The following MRI1 variants were observed in gnomAD, a reference collection of about 807,000 sequenced individuals.
MRI1 encodes the protein methylthioribose-1-phosphate isomerase 1, also known as methylthioribose-1-phosphate isomerase.
MRI1 carries 32 observed loss-of-function variants against 27.3 expected under a neutral mutation model. The observed-to-expected ratio is 1.17, with a 90% CI of 0.88 to 1.57. MRI1 has a LOEUF of 1.57. Ranked by LOEUF, MRI1 falls within the 40% of genes most tolerant of loss-of-function variation. MRI1 has a pLI of 0.00. For missense variants in MRI1, 508 were observed against 516.1 expected (o/e 0.98, Z 0.15); for synonymous variants, 216 against 227.4 (o/e 0.95, Z 0.45).
At chr19:13,769,257 G>T (rs543585968) in intron 5 of MRI1, among the ~76,000 whole-genome samples, 1 of 152,102 alleles carries the variant, frequency 6.6e-6, no homozygotes, top group Non-Finnish European at 1.5e-5. Flanking sequence ...TCCACCTCCC[G>T]GGCTCAAGCA....
At position 13,765,987 on chromosome 19, in the gene MRI1, A is replaced by G. The variant is rs763445231; in HGVS notation, c.405A>G (p.Lys135=). The change falls in exon 3 of 6, where the codon AAA becomes AAG. Residue 135 remains lysine (K), a synonymous_variant. Coordinates refer to ENST00000040663, the MANE Select transcript of MRI1 (RefSeq NM_001031727.4). ...VICCTEDMLE[K]DLRDNRSIGD... is the part of the protein sequence containing the mutation. ...GCTGCACCGAGGACATGCTGGAGAA[A>G]GACCTCAGAGACAACCGAAGCATTG... is the stretch of plus-strand genomic sequence containing the variant. 6 of 1,610,726 alleles carry G rather than the reference A, an allele frequency of 3.7e-6. No homozygotes were observed. The South Asian group carries it at 5.5e-5, about 15-fold the overall frequency.
In MRI1 at chr19:13,772,997, A is replaced by G. The variant is rs1974302290; in HGVS notation, c.*716A>G. 6.8e-6 allele frequency: 1 copy of G among 147,762 alleles called. No individual in the cohort carries two copies. Among genetic ancestry groups the G allele is most frequent in the Admixed American group, 6.7e-5 (1 of 14,834 alleles). 9.2% of individuals were successfully genotyped at this position (147,762 alleles called of 1,614,324 possible). ...GCAACCAAGATAAAAAATATTTTAA[A>G]GCAATATTTTGTTTTGGGTTTTTTT... On this transcript the variant is annotated 3_prime_UTR_variant, in exon 6 of 6. Transcript: ENST00000040663.
intron 5 of MRI1, among the ~76,000 whole-genome samples, chr19:13,771,647 A>G (rs1479031727): frequency 6.6e-6 from 1 of 152,178 alleles, no homozygotes; most frequent in Non-Finnish European, 1.5e-5. Context: ...AGATCACCTG[A>G]GGTCGGGAGT....
rs114003575 is a variant in MRI1, at chr19:13,768,966, G to A, written c.867G>A (p.Leu289=). ...AAPSSSCDLR[L]ETGKEIIIEE... is the part of the protein sequence containing the mutation. ...CCAGCTCTTCATGTGACCTCCGTCT[G>A]GAGACCGGCAAGGAGATCATTATTG... Residue 289 remains leucine, a synonymous_variant, in exon 5 of 6, where the codon CTG becomes CTA. Coordinates refer to ENST00000040663, the MANE Select transcript of MRI1 (RefSeq NM_001031727.4). The A allele has an allele frequency of 4.1e-4, 659 of 1,614,110 alleles. 3 individuals carry two copies. The African/African-American group carries it at 8.0e-3, about 19-fold the overall frequency.
At chr19:13,766,472 T>A (rs749746000) in intron 3 of MRI1, among the ~76,000 whole-genome samples, 1 of 152,094 alleles carries the variant, frequency 6.6e-6, no homozygotes, top group Non-Finnish European at 1.5e-5. Flanking sequence ...CACCTGCCCA[T>A]CCCAGAGCAG....
Position 13,771,749 on chromosome 19 carries a change from G to A in MRI1, c.950-372G>A, listed in dbSNP as rs371970561. Among the ~76,000 whole-genome samples, 293 of 152,022 alleles carry A rather than the reference G, an allele frequency of 1.9e-3. 1 individual carries two copies. The highest frequency in any genetic ancestry group is 6.7e-3 in the Admixed American group (102 of 15,264). Reference sequence around the variant, plus strand: ...TGCATGCCTGTAATCCCAGCTACTCGGGAGGCTGAGGCAGGAGAATTGCTT... The same window carrying A: ...TGCATGCCTGTAATCCCAGCTACTCAGGAGGCTGAGGCAGGAGAATTGCTT... On this transcript the variant is annotated intron_variant, in intron 5 of 5. Coordinates refer to ENST00000040663, the MANE Select transcript of MRI1 (RefSeq NM_001031727.4).
At chr19:13,767,088 G>A (rs1464151311) in intron 3 of MRI1, among the ~76,000 whole-genome samples, 5 of 118,370 alleles carry the variant, frequency 4.2e-5, no homozygotes, top group African/African-American at 1.2e-4. Context: ...TTGCTCTGTC[G>A]CCCAGGCTGG....
intron 1 of MRI1, 48 bp downstream of exon 1, chr19:13,764,768 G>A (rs761951402): frequency 2.0e-4 from 88 of 432,822 alleles, no homozygotes; most frequent in African/African-American, 1.2e-4. Context: ...GCGGGGCGGC[G>A]GGGCGGCGGG....
chr19:13,769,927 AAAAAG>A (rs1490185567), intron 5 of MRI1, among the ~76,000 whole-genome samples: 1 of 152,026 alleles, frequency 6.6e-6, no homozygotes, highest in Non-Finnish European at 1.5e-5. Context: ...CTCAAAAAAA[AAAAAG>A]AAAAGAAAAA....
At position 13,768,573 on chromosome 19, in the gene MRI1, C is replaced by T. The variant is rs776590330; in HGVS notation, c.560C>T (p.Ser187Leu). The T allele has an allele frequency of 6.2e-7, 1 of 1,607,416 alleles. No individual in the cohort carries two copies. The highest frequency in any genetic ancestry group is 1.3e-5 in the African/African-American group (1 of 74,874). ...GYGTALGVIR[S>L]LHSLGRLEHA... is the part of the protein sequence containing the mutation. The stretch of plus-strand genomic sequence containing the variant: ...GGGGCCCCCGCAGGTGTGATTCGCT[C>T]ACTGCACAGCCTGGGCCGCCTGGAG... Residue 187 changes from serine to leucine, a missense_variant, in exon 4 of 6, where the codon TCA becomes TTA. By Grantham distance (145) the Ser-to-Leu change is moderately radical. Coordinates refer to ENST00000040663, the MANE Select transcript of MRI1 (RefSeq NM_001031727.4).
intron 3 of MRI1, among the ~76,000 whole-genome samples, chr19:13,767,655 A>C (rs1974167207): frequency 6.6e-6 from 1 of 151,698 alleles, no homozygotes; most frequent in Non-Finnish European, 1.5e-5. Context: ...AAATACTAAA[A>C]TTAGCTGGGT....
Position 13,768,729 on chromosome 19 carries a change from G to T in MRI1, c.716G>T (p.Gly239Val), listed in dbSNP as rs1228877494. 11 of 1,612,982 alleles carry T rather than the reference G, an allele frequency of 6.8e-6. No homozygotes were observed. The East Asian group carries it at 2.0e-4, about 29-fold the overall frequency. ...SMVAAAMAHR[G>V]VSAVVVGADR... ...GTGGCTGCTGCCATGGCCCATAGGG[G>T]CGTGTCAGGTAAGCAGACGGTAAGC... Residue 239 changes from glycine (G) to valine (V), a missense_variant, in exon 4 of 6, where the codon GGC (glycine) becomes GTC (valine). By Grantham distance (109) the Gly-to-Val change is moderately radical (BLOSUM62 -3). Around this residue, in one of 3 missense-constraint regions of MRI1, gnomAD observed 457 missense variants for 452.8 expected, o/e 1.01. Transcript: ENST00000040663.
At chr19:13,766,900 T>C (rs991080709) in intron 3 of MRI1, among the ~76,000 whole-genome samples, 1 of 151,214 alleles carries the variant, frequency 6.6e-6, no homozygotes, top group African/African-American at 2.4e-5. Context: ...CATCCTTCAA[T>C]ATCTGTGGGG....
intron 3 of MRI1, chr19:13,768,291 G>C (rs746642716): frequency 1.3e-6 from 1 of 798,104 alleles, no homozygotes; most frequent in Non-Finnish European, 2.1e-6. Context: ...GAAACTGAAA[G>C]TGTGGGGATT....
Position 13,764,865 on chromosome 19 carries a change from C to T in MRI1, c.133-6C>T, listed in dbSNP as rs1974080245. 5.2e-6 allele frequency: 7 copies of T among 1,343,538 alleles called. No individual in the cohort carries two copies. In the Admixed American group the frequency reaches 2.6e-4, roughly 51 times the overall value. The allele number at this position is 1,343,538 out of a possible 1,614,324, so 83.2% of individuals were successfully genotyped here. ...AGCTTCCGACGCCCAAATCCCTGCC[C>T]CGCAGGTGCGGGGCGCCCCGGCCAT... On this transcript the variant is annotated splice_region_variant and splice_polypyrimidine_tract_variant and intron_variant, in intron 1 of 5. Coordinates refer to ENST00000040663, the MANE Select transcript of MRI1 (RefSeq NM_001031727.4).
rs536061105 is a variant in MRI1 at position 13,766,870 on chromosome 19, A to C, written c.547+741A>C. Among the ~76,000 whole-genome samples the C allele has an allele frequency of 1.3e-4, 20 of 151,836 alleles. No individual in the cohort carries two copies. In the South Asian group the frequency reaches 1.5e-3, roughly 11 times the overall value. ...CCCAGGGAAGCAGAAGGAACAGTCA[A>C]CAGGCAAAATAAGTACAGTCATCCT... On this transcript the variant is annotated intron_variant, in intron 3 of 5. Transcript: ENST00000040663.
intron 5 of MRI1, among the ~76,000 whole-genome samples, chr19:13,771,310 T>C (rs944105847): frequency 6.6e-6 from 1 of 151,562 alleles, no homozygotes; most frequent in Non-Finnish European, 1.5e-5. Context: ...CAGGTTGCAG[T>C]GAGTTGAGAT....
chr19:13,772,281 AC>A lies in MRI1; in HGVS notation c.*2del. On this transcript the variant is annotated 3_prime_UTR_variant, in exon 6 of 6. Transcript: ENST00000040663. ...GAACCCTAGATGGACCCCAGATGTA[AC>A]CAACTCAGCTCTCCCTAGCCTGCCT... is the stretch of plus-strand genomic sequence containing the variant. The A allele has an allele frequency of 6.2e-7, 1 of 1,611,254 alleles. No homozygotes were observed. The highest frequency in any genetic ancestry group is 2.2e-5 in the East Asian group (1 of 44,820).
chr19:13,768,093 C>T (rs1173618532), intron 3 of MRI1, among the ~76,000 whole-genome samples: 2 of 152,006 alleles, frequency 1.3e-5, no homozygotes, highest in African/African-American at 4.8e-5. Context: ...TGGTCTCGAT[C>T]TCCTGACCTC....
Sources: allele counts gnomAD v4.1 joint callset (sites outside exome capture counted in the v4.1 genomes callset), GRCh38; gene constraint gnomAD v4.1.1; regional missense constraint gnomAD v4.1.1; transcripts MANE v1.5; gene names NCBI Gene and HGNC (gene_info 2026-07-23, HGNC 2026-07-21).